The following USP6NL variants were observed in gnomAD, a reference collection of about 807,000 sequenced individuals.
USP6NL encodes the protein USP6 N-terminal-like protein.
A neutral mutation model predicts 61.9 loss-of-function variants in USP6NL; 26 were observed. That is an observed-to-expected ratio of 0.42 (90% CI 0.31 to 0.58). USP6NL has a LOEUF of 0.58. USP6NL is among the 20% of genes least tolerant of loss of function. USP6NL has a pLI of 0.16. For missense variants in USP6NL, 1,114 were observed against 1,034.3 expected (o/e 1.08, Z -1.06); for synonymous variants, 432 against 390.1 (o/e 1.11, Z -1.27).
Position 11,462,387 on chromosome 10 carries a change from C to T in USP6NL, c.*54G>A. On this transcript the variant is annotated 3_prime_UTR_variant, in exon 15 of 15. Transcript: ENST00000609104. ...ACTGCTTTGGCAATTATGAACATAG[C>T]AATGTAGGTTTCACGTGGTTTCTCT... 1 of 1,562,670 alleles carries T rather than the reference C, an allele frequency of 6.4e-7. No individual in the cohort carries two copies.
rs575126775 is a variant in USP6NL at position 11,537,300 on chromosome 10, C to A, written c.5-9733G>T. On this transcript the variant is annotated intron_variant, in intron 2 of 14. Coordinates refer to ENST00000609104, the MANE Select transcript of USP6NL (RefSeq NM_014688.5). The surrounding 1 kb of genome is among the most constrained non-coding windows in gnomAD (Gnocchi z 5.1). ...CTAATACTTGTATTTTTTGTCGAGA[C>A]GGGATTTTGCCATGTTGCCCTGGCT... 1.1e-4 allele frequency among the ~76,000 whole-genome samples: 16 copies of A among 152,068 alleles called. No individual in the cohort carries two copies. The highest frequency in any genetic ancestry group is 2.4e-4 in the Non-Finnish European group (16 of 68,018).
At chr10:11,607,810 GTTACT>G (rs1192010874) in intron 1 of USP6NL, among the ~76,000 whole-genome samples, 3 of 152,146 alleles carry the variant, frequency 2.0e-5, no homozygotes, top group Admixed American at 6.5e-5. Flanking sequence ...CATTTAAAAT[GTTACT>G]TTAAATTTTT....
chr10:11,576,935 C>G (rs972040788), intron 2 of USP6NL, among the ~76,000 whole-genome samples: 2 of 152,060 alleles, frequency 1.3e-5, no homozygotes, highest in East Asian at 1.9e-4. Flanking sequence ...GGTCTATATG[C>G]CAACTAGGTA....
At chr10:11,539,584 G>A (rs536828882) in intron 2 of USP6NL, among the ~76,000 whole-genome samples, 1 of 152,304 alleles carries the variant, frequency 6.6e-6, no homozygotes, top group Admixed American at 6.5e-5. Flanking sequence ...CCACATTTGG[G>A]GACAGGGTTG....
At chr10:11,609,825 G>C (rs1838826736) in intron 1 of USP6NL, among the ~76,000 whole-genome samples, 1 of 152,174 alleles carries the variant, frequency 6.6e-6, no homozygotes, top group Non-Finnish European at 1.5e-5. Context: ...TCACCTAACA[G>C]TGCCAAATCT....
rs1836585472 is a variant in USP6NL, at chr10:11,553,866, G to C, written c.5-26299C>G. 6.7e-6 allele frequency among the ~76,000 whole-genome samples: 1 copy of C among 149,436 alleles called. No homozygotes were observed. Among genetic ancestry groups the C allele is most frequent in the Non-Finnish European group, 1.5e-5 (1 of 67,678 alleles). On this transcript the variant is annotated intron_variant, in intron 2 of 14. Coordinates refer to ENST00000609104, the MANE Select transcript of USP6NL (RefSeq NM_014688.5). This position sits in a 1 kb window ranked among gnomAD's most constrained non-coding sequence, Gnocchi z 4.8. ...AGCCGAGATCGTGCCACTCCAGCCT[G>C]GGCAACAGAGTAAGACTCCATCTCA...
intron 2 of USP6NL, among the ~76,000 whole-genome samples, chr10:11,557,831 C>T (rs1189717215): frequency 6.6e-6 from 1 of 152,138 alleles, no homozygotes; most frequent in Non-Finnish European, 1.5e-5. Flanking sequence ...TAACGAGATG[C>T]AGGGAGCTCC....
At chr10:11,503,346 T>C (rs559895138) in intron 6 of USP6NL, among the ~76,000 whole-genome samples, 1 of 152,226 alleles carries the variant, frequency 6.6e-6, no homozygotes, top group Non-Finnish European at 1.5e-5. Flanking sequence ...TTTGTTGCTG[T>C]TGCTCAATTC....
Position 11,513,672 on chromosome 10 carries a change from C to T in USP6NL, c.196-3997G>A, listed in dbSNP as rs928121617. 1.3e-5 allele frequency among the ~76,000 whole-genome samples: 2 copies of T among 152,146 alleles called. No homozygotes were observed. Among genetic ancestry groups the T allele is most frequent in the African/African-American group, 4.8e-5 (2 of 41,428 alleles). On this transcript the variant is annotated intron_variant, in intron 5 of 14. Coordinates refer to ENST00000609104, the MANE Select transcript of USP6NL (RefSeq NM_014688.5). This position sits in a 1 kb window ranked among gnomAD's most constrained non-coding sequence, Gnocchi z 4.7. ...CCCTAAATATTTCAAGTACGTATCGCCTAAGAATGAAAACACATTATCCTA... is the reference window on the plus strand; with the variant it reads ...CCCTAAATATTTCAAGTACGTATCGTCTAAGAATGAAAACACATTATCCTA...
At position 11,562,724 on chromosome 10, in the gene USP6NL, T is replaced by C. The variant is rs115638519; in HGVS notation, c.4+34907A>G. ...ATTTTATCTGCCAAATTTTCACTTG[T>C]TTCTTGATCTAAAAACGTGGAATTC... is the stretch of plus-strand genomic sequence containing the variant. On this transcript the variant is annotated intron_variant, in intron 2 of 14. Coordinates refer to ENST00000609104, the MANE Select transcript of USP6NL (RefSeq NM_014688.5). This position sits in a 1 kb window ranked among gnomAD's most constrained non-coding sequence, Gnocchi z 4.8. 2,650 of 985,468 alleles carry C rather than the reference T, an allele frequency of 2.7e-3. 43 individuals are homozygous for C. In the African/African-American group the frequency reaches 0.036, roughly 13 times the overall value. The allele number at this position is 985,468 out of a possible 1,614,324, so 61.0% of individuals were successfully genotyped here. A position where few individuals can be genotyped will look rare whatever the true frequency, so the allele number is the denominator to read the frequency against.
intron 13 of USP6NL, among the ~76,000 whole-genome samples, chr10:11,483,592 GA>G (rs1833311320): frequency 4.6e-5 from 1 of 21,662 alleles, no homozygotes; most frequent in Non-Finnish European, 9.6e-5. Context: ...GAGAGGGAGA[GA>G]GGGGGAGGGG....
chr10:11,540,569 G>C lies in USP6NL; in HGVS notation c.5-13002C>G, dbSNP rs1007459338. Among the ~76,000 whole-genome samples, 9 of 152,094 alleles carry C rather than the reference G, an allele frequency of 5.9e-5. No individual in the cohort carries two copies. The highest frequency in any genetic ancestry group is 1.9e-4 in the African/African-American group (8 of 41,410). ...ATGCACTACAATAAAAGTTTGTGTTGAATTTGGCCCATAGGTATTAACAAG... is the reference window on the plus strand; with the variant it reads ...ATGCACTACAATAAAAGTTTGTGTTCAATTTGGCCCATAGGTATTAACAAG... On this transcript the variant is annotated intron_variant, in intron 2 of 14. Transcript: ENST00000609104. This position sits in a 1 kb window ranked among gnomAD's most constrained non-coding sequence, Gnocchi z 5.0.
intron 2 of USP6NL, among the ~76,000 whole-genome samples, chr10:11,530,241 A>T (rs748973672): frequency 6.6e-5 from 10 of 152,020 alleles, no homozygotes; most frequent in Non-Finnish European, 1.2e-4. Context: ...TGAATGCTTT[A>T]TTGGAATGTC....
At chr10:11,547,290 G>A (rs925406708) in intron 2 of USP6NL, among the ~76,000 whole-genome samples, 5 of 152,168 alleles carry the variant, frequency 3.3e-5, no homozygotes, top group Non-Finnish European at 5.9e-5. Context: ...ATTGTCATAC[G>A]TAAACTCAAA....
rs1838877850 is a variant in USP6NL at position 11,611,149 on chromosome 10, C to T, written c.-84+294G>A. ...CGGGATCGCGGCTCACTCGGGGAGG[C>T]AGTCGCCGGGTTCCACCCCCGGGCC... is the stretch of plus-strand genomic sequence containing the variant. On this transcript the variant is annotated intron_variant, in intron 1 of 14. Coordinates refer to ENST00000609104, the MANE Select transcript of USP6NL (RefSeq NM_014688.5). The surrounding 1 kb of genome is among the most constrained non-coding windows in gnomAD (Gnocchi z 5.3). Among the ~76,000 whole-genome samples, 1 of 152,080 alleles carries T rather than the reference C, an allele frequency of 6.6e-6. No individual in the cohort carries two copies. The highest frequency in any genetic ancestry group is 1.5e-5 in the Non-Finnish European group (1 of 67,968).
At position 11,462,847 on chromosome 10, in the gene USP6NL, G is replaced by A. The variant is rs757043262; in HGVS notation, c.2081C>T (p.Pro694Leu). The A allele has an allele frequency of 4.3e-6, 7 of 1,613,900 alleles. No individual in the cohort carries two copies. In the East Asian group the frequency reaches 1.1e-4, roughly 26 times the overall value. The change falls in exon 15 of 15, where the codon CCG becomes CTG. Residue 694 changes from proline to leucine, a missense_variant. Pro to Leu is a moderately conservative substitution (Grantham distance 98). Coordinates refer to ENST00000609104, the MANE Select transcript of USP6NL (RefSeq NM_014688.5). ...AGGGAGGACTTCTATTCGACTAGAC[G>A]GCAGTACAAGGGGGCTTGGGCGGCT... ...SYSRPSPLVL[P>L]SSRIEVLPVD...
Position 11,495,807 on chromosome 10 carries a change from C to T in USP6NL, c.385-2579G>A, listed in dbSNP as rs1028559691. On this transcript the variant is annotated intron_variant, in intron 7 of 14. Coordinates refer to ENST00000609104, the MANE Select transcript of USP6NL (RefSeq NM_014688.5). This position sits in a 1 kb window ranked among gnomAD's most constrained non-coding sequence, Gnocchi z 4.6. Reference sequence around the variant, plus strand: ...TCCACTTGTCTTTCACGTTAGCTCCCTTCTTCAAATGAACAGCAAAACTTC... The same window carrying T: ...TCCACTTGTCTTTCACGTTAGCTCCTTTCTTCAAATGAACAGCAAAACTTC... Among the ~76,000 whole-genome samples the T allele has an allele frequency of 6.6e-6, 1 of 152,142 alleles. No homozygotes were observed. The highest frequency in any genetic ancestry group is 1.5e-5 in the Non-Finnish European group (1 of 68,022).
chr10:11,562,655 A>G lies in USP6NL; in HGVS notation c.4+34976T>C, dbSNP rs1180177146. The G allele has an allele frequency of 1.0e-6, 1 of 985,448 alleles. No homozygotes were observed. The highest frequency in any genetic ancestry group is 1.7e-5 in the African/African-American group (1 of 57,350). The allele number at this position is 985,448 out of a possible 1,614,324, so 61.0% of individuals were successfully genotyped here. A position where few individuals can be genotyped will look rare whatever the true frequency, so the allele number is the denominator to read the frequency against. Reference sequence around the variant, plus strand: ...AGTCCTCTAATTATTTGTGACACTCAACATTCATATGTTGTTAGCCACTTG... The same window carrying G: ...AGTCCTCTAATTATTTGTGACACTCGACATTCATATGTTGTTAGCCACTTG... On this transcript the variant is annotated intron_variant, in intron 2 of 14. Coordinates refer to ENST00000609104, the MANE Select transcript of USP6NL (RefSeq NM_014688.5). The surrounding 1 kb of genome is among the most constrained non-coding windows in gnomAD (Gnocchi z 4.8).
At chr10:11,512,967 T>C (rs1834789920) in intron 5 of USP6NL, among the ~76,000 whole-genome samples, 1 of 152,238 alleles carries the variant, frequency 6.6e-6, no homozygotes, top group South Asian at 2.1e-4. Context: ...AAACGAGAAT[T>C]ATTTTGATCA....
Sources: allele counts gnomAD v4.1 joint callset (sites outside exome capture counted in the v4.1 genomes callset), GRCh38; gene constraint gnomAD v4.1.1; non-coding constraint Gnocchi (gnomAD v3.1); transcripts MANE v1.5; gene names NCBI Gene and HGNC (gene_info 2026-07-23, HGNC 2026-07-21).